Variants in ATIC observed in about 807,000 individuals in gnomAD.
The protein encoded by ATIC is bifunctional purine biosynthesis protein ATIC.
ATIC carries 64 observed loss-of-function variants against 72.5 expected under a neutral mutation model. The ratio of observed to expected loss-of-function variants is 0.88; its 90% CI spans 0.72 to 1.09. The LOEUF is 1.09. Ranked by LOEUF, ATIC falls within the 50% of genes least tolerant of loss-of-function variation. The pLI, the probability that ATIC is intolerant of heterozygous loss-of-function variation, is 0.00. For missense variants in ATIC, 787 were observed against 732.4 expected (o/e 1.07, Z -0.86); for synonymous variants, 281 against 267.1 (o/e 1.05, Z -0.51).
intron 15 of ATIC, 130 bp from the exon 16 acceptor site, chr2:215,349,406 C>G (rs1283451163): frequency 6.3e-7 from 1 of 1,576,020 alleles, no homozygotes; most frequent in East Asian, 2.3e-5. Flanking sequence ...ATGGAGAACC[C>G]AAATCCTGTT....
At chr2:215,347,756 T>G (rs2053087432) in intron 14 of ATIC, 1 of 452,078 alleles carries the variant, frequency 2.2e-6, no homozygotes, top group Non-Finnish European at 4.4e-6. Context: ...CTGCTACTAG[T>G]CCTGAAAGAG....
intron 7 of ATIC, among the ~76,000 whole-genome samples, chr2:215,332,131 C>CGTGTGT (rs71044585): frequency 0.022 from 3,182 of 142,174 alleles, 52 homozygotes; most frequent in African/African-American, 0.038. Context: ...GTCCTCCAGT[C>CGTGTGT]GTGTGTGTGT....
At chr2:215,315,878 C>A (rs968375796) in intron 2 of ATIC, among the ~76,000 whole-genome samples, 36 of 151,968 alleles carry the variant, frequency 2.4e-4, no homozygotes, top group African/African-American at 8.2e-4. Context: ...TTGCTTGAAC[C>A]CAGGAGGTGG....
chr2:215,347,015 TTCA>T (rs1408094136), intron 14 of ATIC, 74 bp downstream of exon 14: 39 of 1,519,578 alleles, frequency 2.6e-5, no homozygotes, highest in Admixed American at 2.4e-4. Context: ...AGATTTTAAC[TTCA>T]TCACCACACA....
At chr2:215,346,403 CT>C (rs1243802654) in intron 13 of ATIC, among the ~76,000 whole-genome samples, 1 of 151,818 alleles carries the variant, frequency 6.6e-6, no homozygotes, top group Non-Finnish European at 1.5e-5. Context: ...TCAAGCAATC[CT>C]TCTGTCCTAA....
chr2:215,312,441 T>A lies in ATIC; in HGVS notation c.20-57T>A, dbSNP rs983166180. On this transcript the variant is annotated intron_variant, in intron 1 of 15. Coordinates refer to ENST00000236959, the MANE Select transcript of ATIC (RefSeq NM_004044.7). ...TCCTCCCCCAGACCCTCCCAAGGCC[T>A]TGCAGAACACAGTGCAATGTGCTGC... is the stretch of plus-strand genomic sequence containing the variant. 3 of 1,614,004 alleles carry A rather than the reference T, an allele frequency of 1.9e-6. No individual in the cohort carries two copies. In the African/African-American group the frequency reaches 4.0e-5, roughly 21 times the overall value.
chr2:215,338,479 C>T (rs2106028654), intron 11 of ATIC, among the ~76,000 whole-genome samples: 1 of 152,242 alleles, frequency 6.6e-6, no homozygotes, highest in South Asian at 2.1e-4. Context: ...TGTTTTTTAA[C>T]ATGTTGTATA....
chr2:215,338,296 A>G (rs763451697), intron 11 of ATIC, among the ~76,000 whole-genome samples: 15 of 152,212 alleles, frequency 9.9e-5, no homozygotes, highest in Non-Finnish European at 2.1e-4. Context: ...TCTCACTTTT[A>G]GCTTTCAATT....
the ATIC span, among the ~76,000 whole-genome samples, chr2:215,354,877 C>T: frequency 1.7e-3 from 262 of 151,896 alleles, 3 homozygotes; most frequent in African/African-American, 6.1e-3. Flanking sequence ...TACCCAGCAG[C>T]GTGTGCTTGA....
intron 14 of ATIC, chr2:215,347,299 TC>T (rs556702540): frequency 4.2e-4 from 159 of 382,408 alleles, no homozygotes; most frequent in African/African-American, 3.1e-3. Flanking sequence ...GTGCTTGCTG[TC>T]CGATGGGTCT....
At chr2:215,317,438 TA>T (rs2052721717) in intron 2 of ATIC, among the ~76,000 whole-genome samples, 1 of 152,216 alleles carries the variant, frequency 6.6e-6, no homozygotes, top group Non-Finnish European at 1.5e-5. Context: ...ACCACTTTAT[TA>T]AACAGTCTTT....
chr2:215,336,168 C>A, intron 11 of ATIC, 44 bp downstream of exon 11: 1 of 1,409,078 alleles, frequency 7.1e-7, no homozygotes, highest in South Asian at 1.2e-5. Flanking sequence ...CTCTTTTATT[C>A]TGTGTCTCTT....
At chr2:215,315,368 A>T (rs748545452) in intron 2 of ATIC, among the ~76,000 whole-genome samples, 96 of 151,976 alleles carry the variant, frequency 6.3e-4, no homozygotes, top group Non-Finnish European at 9.6e-4. Context: ...CTATATATAT[A>T]TATTTTTTTA....
chr2:215,361,396 T>C, the ATIC span: 38 of 738,550 alleles, frequency 5.1e-5, no homozygotes, highest in African/African-American at 4.3e-4. Context: ...AGGGTGATGC[T>C]TGGAGAAGCT....
At chr2:215,356,848 G>A in the ATIC span, among the ~76,000 whole-genome samples, 4 of 152,196 alleles carry the variant, frequency 2.6e-5, no homozygotes, top group Non-Finnish European at 5.9e-5. Context: ...GATGGACATT[G>A]GGTTGTTTCC....
At chr2:215,362,619 T>A in the ATIC span, 1 of 159,282 alleles carries the variant, frequency 6.3e-6, no homozygotes, top group African/African-American at 2.4e-5. Flanking sequence ...TGCACCACTT[T>A]GCCACTCTCT....
At chr2:215,347,055 C>A in intron 14 of ATIC, 114 bp downstream of exon 14, 2 of 1,292,852 alleles carry the variant, frequency 1.5e-6, no homozygotes, top group Non-Finnish European at 2.2e-6. Flanking sequence ...CATTGAAATT[C>A]TATGTTGTCT....
At chr2:215,351,405 TTAAG>T (rs1370600963), downstream of ATIC, among the ~76,000 whole-genome samples, 2 of 152,202 alleles carry the variant, frequency 1.3e-5, no homozygotes, top group African/African-American at 2.4e-5. Flanking sequence ...GGCTTGTAAA[TTAAG>T]TGTGTGTTGT....
chr2:215,354,062 C>A (rs1251321851), downstream of ATIC, among the ~76,000 whole-genome samples: 1 of 150,986 alleles, frequency 6.6e-6, no homozygotes, highest in Non-Finnish European at 1.5e-5. Flanking sequence ...TTCCCTGTTG[C>A]CGATGCCCAG....
Sources: allele counts gnomAD v4.1 joint callset (sites outside exome capture counted in the v4.1 genomes callset), GRCh38; gene constraint gnomAD v4.1.1; transcripts MANE v1.5; gene names NCBI Gene and HGNC (gene_info 2026-07-23, HGNC 2026-07-21).